The following DCC variants were observed in gnomAD, a reference collection of about 807,000 sequenced individuals.
The protein encoded by DCC is netrin receptor DCC.
A neutral mutation model predicts 172.5 loss-of-function variants in DCC; 58 were observed. The ratio of observed to expected loss-of-function variants is 0.34; its 90% CI spans 0.27 to 0.42. The LOEUF is 0.42. DCC is among the 10% of genes least tolerant of loss of function. The pLI, the probability that DCC is intolerant of heterozygous loss-of-function variation, is 1.00. For missense variants in DCC, 1,740 were observed against 1,791.0 expected (o/e 0.97, Z 0.51); for synonymous variants, 709 against 644.5 (o/e 1.10, Z -1.52).
chr18:52,440,576 A>G (rs567449649), intron 1 of DCC, among the ~76,000 whole-genome samples: 1 of 152,328 alleles, frequency 6.6e-6, no homozygotes, highest in South Asian at 2.1e-4. Flanking sequence ...TAAACAGTAA[A>G]TGCCTCACAC....
At chr18:53,444,896 TC>T (rs1374696368) in intron 22 of DCC, among the ~76,000 whole-genome samples, 1 of 152,174 alleles carries the variant, frequency 6.6e-6, no homozygotes, top group African/African-American at 2.4e-5. Context: ...TTCCATGAAG[TC>T]CATAATCATG....
At chr18:52,500,941 G>A (rs770756333) in intron 1 of DCC, among the ~76,000 whole-genome samples, 67 of 152,050 alleles carry the variant, frequency 4.4e-4, no homozygotes, top group Non-Finnish European at 1.6e-4. Flanking sequence ...TAATTGACAC[G>A]TGGACATATA....
At chr18:53,243,576 C>T (rs1055286933) in intron 12 of DCC, among the ~76,000 whole-genome samples, 2 of 152,104 alleles carry the variant, frequency 1.3e-5, no homozygotes, top group Admixed American at 6.6e-5. Flanking sequence ...AGGATGTAAA[C>T]TTGGCAAACT....
intron 27 of DCC, among the ~76,000 whole-genome samples, chr18:53,512,215 C>G (rs377622845): frequency 6.6e-6 from 1 of 151,868 alleles, no homozygotes; most frequent in Non-Finnish European, 1.5e-5. Flanking sequence ...ACACCTCACA[C>G]GGCAGGGTAT....
At chr18:53,327,694 G>A (rs974642231) in intron 14 of DCC, among the ~76,000 whole-genome samples, 5 of 152,166 alleles carry the variant, frequency 3.3e-5, no homozygotes, top group East Asian at 1.9e-4. Context: ...AAATGGGTTC[G>A]CTGCAAATTC....
chr18:53,001,219 T>C (rs1461660690), intron 5 of DCC, among the ~76,000 whole-genome samples: 2 of 152,104 alleles, frequency 1.3e-5, no homozygotes, highest in Admixed American at 6.6e-5. Flanking sequence ...AATATTGGAC[T>C]AGACTCAAAA....
At chr18:53,360,811 C>G (rs1447267314) in intron 15 of DCC, among the ~76,000 whole-genome samples, 1 of 152,138 alleles carries the variant, frequency 6.6e-6, no homozygotes, top group South Asian at 2.1e-4. Flanking sequence ...CTTCTACAAG[C>G]ATTTAGGGGA....
chr18:53,429,078 A>T (rs1159425164), intron 21 of DCC, among the ~76,000 whole-genome samples: 2 of 90,436 alleles, frequency 2.2e-5, no homozygotes, highest in African/African-American at 7.5e-5. Context: ...TATAATATAT[A>T]TTTTATATAA....
intron 15 of DCC, among the ~76,000 whole-genome samples, chr18:53,353,369 G>C (rs2057835112): frequency 6.6e-6 from 1 of 150,552 alleles, no homozygotes; most frequent in South Asian, 2.1e-4. Flanking sequence ...TATTCAACAA[G>C]AAAATGCTAA....
intron 1 of DCC, among the ~76,000 whole-genome samples, chr18:52,491,379 G>T (rs1388955702): frequency 8.6e-5 from 13 of 152,014 alleles, no homozygotes; most frequent in Admixed American, 8.5e-4. Flanking sequence ...AAGTAAAGTT[G>T]GTTGCTTAAT....
chr18:53,075,505 A>G (rs908573552), intron 7 of DCC, among the ~76,000 whole-genome samples: 2 of 152,108 alleles, frequency 1.3e-5, no homozygotes, highest in Non-Finnish European at 2.9e-5. Flanking sequence ...TATTGATCAC[A>G]TCATACTTCA....
intron 12 of DCC, among the ~76,000 whole-genome samples, chr18:53,287,767 G>T (rs568201942): frequency 3.9e-5 from 6 of 152,092 alleles, no homozygotes; most frequent in Admixed American, 3.3e-4. Context: ...TTCTAACAAA[G>T]AACTTTTAAA....
At chr18:53,128,546 G>T (rs565185931) in intron 7 of DCC, among the ~76,000 whole-genome samples, 1 of 152,110 alleles carries the variant, frequency 6.6e-6, no homozygotes, top group Admixed American at 6.6e-5. Context: ...TTAGTACCCA[G>T]TGTTTTCAAA....
intron 1 of DCC, among the ~76,000 whole-genome samples, chr18:52,743,482 T>A (rs1568076645): frequency 6.6e-6 from 1 of 152,220 alleles, no homozygotes; most frequent in Non-Finnish European, 1.5e-5. Flanking sequence ...CATTACAATT[T>A]TCCTGGTATC....
chr18:53,226,948 A>ATATATATATTTTTTTTTTTTTT lies in DCC; in HGVS notation c.1911+11352_1911+11353insATATATATTTTTTTTTTTTTTT. ...TGTGTGTGTGTGTATATATATATAT[A>ATATATATATTTTTTTTTTTTTT]TTTTTTTTTTTTTTTTTTTGAGGCA... On this transcript the variant is annotated intron_variant, in intron 12 of 28. Coordinates refer to ENST00000442544, the MANE Select transcript of DCC (RefSeq NM_005215.4). Among the ~76,000 whole-genome samples the ATATATATATTTTTTTTTTTTTT allele has an allele frequency of 4.9e-4, 26 of 52,940 alleles. 1 individual carries two copies. Among genetic ancestry groups the ATATATATATTTTTTTTTTTTTT allele is most frequent in the African/African-American group, 2.4e-3 (25 of 10,604 alleles). 34.7% of individuals were successfully genotyped at this position (52,940 alleles called of 152,430 possible).
At chr18:52,846,082 TC>T (rs1221805037) in intron 2 of DCC, among the ~76,000 whole-genome samples, 3 of 152,232 alleles carry the variant, frequency 2.0e-5, no homozygotes, top group African/African-American at 7.2e-5. Flanking sequence ...ATTTCAGTTT[TC>T]CTTTACAAGG....
At chr18:52,955,398 C>A (rs139392973) in intron 5 of DCC, among the ~76,000 whole-genome samples, 2,056 of 150,738 alleles carry the variant, frequency 0.014, 62 homozygotes, top group African/African-American at 0.048. Context: ...TTTTTTGGCA[C>A]CAAATAATAT....
intron 13 of DCC, among the ~76,000 whole-genome samples, chr18:53,308,456 GTT>G (rs575676866): frequency 0.023 from 2,665 of 116,272 alleles, 37 homozygotes; most frequent in Middle Eastern, 0.042. Flanking sequence ...AAAACAATAA[GTT>G]AAAAATATTA....
intron 1 of DCC, among the ~76,000 whole-genome samples, chr18:52,744,546 T>C (rs8097224): frequency 1.3e-5 from 2 of 152,060 alleles, no homozygotes; most frequent in African/African-American, 2.4e-5. Context: ...GTGGAATGAA[T>C]GTACTCTTTT....
Sources: allele counts gnomAD v4.1 joint callset (sites outside exome capture counted in the v4.1 genomes callset), GRCh38; gene constraint gnomAD v4.1.1; transcripts MANE v1.5; gene names NCBI Gene and HGNC (gene_info 2026-07-23, HGNC 2026-07-21).